PAPPA2: variants seen among roughly 807,000 people sequenced by gnomAD.
PAPPA2 encodes the protein pappalysin 2.
In PAPPA2, 86 loss-of-function variants were observed where a neutral mutation model predicts 176.4. The observed-to-expected ratio is 0.49, with a 90% CI of 0.41 to 0.58. The LOEUF is 0.58. Among genes scored for constraint, PAPPA2 ranks in the 20% least tolerant of loss-of-function variants. The pLI is 0.00. For missense variants in PAPPA2, 2,073 were observed against 2,256.9 expected (o/e 0.92, Z 1.65); for synonymous variants, 809 against 852.2 (o/e 0.95, Z 0.88).
At chr1:176,517,972 G>A (rs548794522) in intron 1 of PAPPA2, among the ~76,000 whole-genome samples, 1 of 152,252 alleles carries the variant, frequency 6.6e-6, no homozygotes, top group South Asian at 2.1e-4. Flanking sequence ...AAGTTAATGA[G>A]AAGGAAAGGC....
chr1:176,779,001 G>A (rs571260471), intron 17 of PAPPA2, among the ~76,000 whole-genome samples: 2 of 152,202 alleles, frequency 1.3e-5, no homozygotes, highest in South Asian at 2.1e-4. Context: ...TCTTGACTGC[G>A]GGCTACAAGG....
intron 1 of PAPPA2, among the ~76,000 whole-genome samples, chr1:176,494,522 G>A (rs989932073): frequency 6.6e-6 from 1 of 152,132 alleles, no homozygotes; most frequent in Non-Finnish European, 1.5e-5. Flanking sequence ...AAAACTTTTG[G>A]CATTTAATTC....
At chr1:176,641,004 G>C (rs1452082660) in intron 3 of PAPPA2, among the ~76,000 whole-genome samples, 1 of 149,078 alleles carries the variant, frequency 6.7e-6, no homozygotes, top group East Asian at 2.0e-4. Flanking sequence ...AGAAGTGTCT[G>C]TTCATGTCCT....
intron 3 of PAPPA2, among the ~76,000 whole-genome samples, chr1:176,598,669 G>A (rs1654115353): frequency 6.6e-6 from 1 of 151,774 alleles, no homozygotes; most frequent in African/African-American, 2.4e-5. Flanking sequence ...TTATGAAAAT[G>A]TTCCCCTCCT....
At chr1:176,805,083 C>A (rs1665843454) in intron 21 of PAPPA2, among the ~76,000 whole-genome samples, 1 of 146,734 alleles carries the variant, frequency 6.8e-6, no homozygotes, top group Non-Finnish European at 1.5e-5. Flanking sequence ...TCCTTCCTTC[C>A]TTCCTTCCTT....
At chr1:176,759,163 G>A (rs1430335343) in intron 14 of PAPPA2, among the ~76,000 whole-genome samples, 2 of 152,214 alleles carry the variant, frequency 1.3e-5, no homozygotes, top group Non-Finnish European at 2.9e-5. Context: ...ATGAATGCCT[G>A]GGGGAGGGTG....
At chr1:176,594,079 C>G (rs1240265568) in intron 2 of PAPPA2, among the ~76,000 whole-genome samples, 1 of 152,148 alleles carries the variant, frequency 6.6e-6, no homozygotes, top group Admixed American at 6.5e-5. Context: ...AAATCACCTT[C>G]CAGAGGGTAA....
In PAPPA2 at chr1:176,552,088, T is replaced by C. The variant is rs565411782; in HGVS notation, c.-916-3319T>C. ...ACCTAACCTCGACCCCATGTTATAG[T>C]GTCTCCTCCCTTCACCTGCCTCTGA... On this transcript the variant is annotated intron_variant, in intron 1 of 22. Transcript: ENST00000367662. 6.6e-5 allele frequency among the ~76,000 whole-genome samples: 10 copies of C among 152,248 alleles called. No homozygotes were observed. In the East Asian group the frequency reaches 1.5e-3, roughly 24 times the overall value.
intron 1 of PAPPA2, among the ~76,000 whole-genome samples, chr1:176,475,936 A>G (rs1488134243): frequency 1.3e-5 from 2 of 152,190 alleles, no homozygotes; most frequent in South Asian, 2.1e-4. Flanking sequence ...ACAGAAACCA[A>G]TAATAATTAC....
intron 14 of PAPPA2, among the ~76,000 whole-genome samples, chr1:176,750,999 T>C (rs1315563191): frequency 6.6e-6 from 1 of 151,970 alleles, no homozygotes; most frequent in African/African-American, 2.4e-5. Context: ...CTTTAATCCA[T>C]CTTGAATTGA....
At chr1:176,733,927 T>C (rs1463970451) in intron 12 of PAPPA2, among the ~76,000 whole-genome samples, 1 of 151,892 alleles carries the variant, frequency 6.6e-6, no homozygotes, top group East Asian at 1.9e-4. Flanking sequence ...TCCCACTCTG[T>C]ATACCACTCA....
At chr1:176,548,099 G>A (rs1335639813) in intron 1 of PAPPA2, among the ~76,000 whole-genome samples, 3 of 152,166 alleles carry the variant, frequency 2.0e-5, no homozygotes, top group African/African-American at 7.2e-5. Flanking sequence ...AGATGAAAAT[G>A]AAATATTTTA....
At chr1:176,563,656 T>G (rs1413154781) in intron 2 of PAPPA2, among the ~76,000 whole-genome samples, 1 of 152,206 alleles carries the variant, frequency 6.6e-6, no homozygotes, top group African/African-American at 2.4e-5. Flanking sequence ...TTAGAGCATT[T>G]CTTCTCAAAC....
intron 21 of PAPPA2, among the ~76,000 whole-genome samples, chr1:176,816,113 T>G (rs1666370575): frequency 7.0e-6 from 1 of 142,678 alleles, no homozygotes; most frequent in Non-Finnish European, 1.5e-5. Context: ...CTTTGGCTTA[T>G]TGATTGTGGG....
At chr1:176,637,256 G>A (rs1419280801) in intron 3 of PAPPA2, among the ~76,000 whole-genome samples, 2 of 152,102 alleles carry the variant, frequency 1.3e-5, no homozygotes, top group African/African-American at 4.8e-5. Flanking sequence ...AAAACTAAGA[G>A]TTTTGGAACT....
At chr1:176,663,625 T>G (rs1658469521) in intron 3 of PAPPA2, among the ~76,000 whole-genome samples, 1 of 152,092 alleles carries the variant, frequency 6.6e-6, no homozygotes, top group South Asian at 2.1e-4. Context: ...TATATATTAT[T>G]TACTATATTT....
intron 3 of PAPPA2, among the ~76,000 whole-genome samples, chr1:176,596,728 A>G (rs1558462177): frequency 6.6e-6 from 1 of 152,292 alleles, no homozygotes; most frequent in East Asian, 1.9e-4. Flanking sequence ...TTAGTTGTTT[A>G]AGTTGATGAA....
chr1:176,468,610 C>G (rs553170333), intron 1 of PAPPA2, among the ~76,000 whole-genome samples: 3 of 152,164 alleles, frequency 2.0e-5, no homozygotes, highest in Non-Finnish European at 4.4e-5. Context: ...GTGAGTGCAG[C>G]ATCTTCTGCA....
chr1:176,644,176 G>A (rs995001482), intron 3 of PAPPA2, among the ~76,000 whole-genome samples: 3 of 151,962 alleles, frequency 2.0e-5, no homozygotes, highest in African/African-American at 2.4e-5. Flanking sequence ...TCTGTATGGA[G>A]TCTGTGGGCT....
Sources: allele counts gnomAD v4.1 joint callset (sites outside exome capture counted in the v4.1 genomes callset), GRCh38; gene constraint gnomAD v4.1.1; transcripts MANE v1.5; gene names NCBI Gene and HGNC (gene_info 2026-07-23, HGNC 2026-07-21).